Variants in WHAMM observed in about 807,000 individuals in gnomAD.
WHAMM encodes WASP homolog associated with actin, golgi membranes and microtubules.
A neutral mutation model predicts 76.5 loss-of-function variants in WHAMM; 67 were observed. The observed-to-expected ratio is 0.88, with a 90% CI of 0.72 to 1.07. WHAMM has a LOEUF of 1.07. Ranked by LOEUF, WHAMM falls within the 50% of genes least tolerant of loss-of-function variation. WHAMM has a pLI of 0.00. For missense variants in WHAMM, 1,021 were observed against 1,051.1 expected, an observed-to-expected ratio of 0.97 and a Z score of 0.40; for synonymous variants, 419 against 422.1, an observed-to-expected ratio of 0.99 and a Z score of 0.09.
intron 1 of WHAMM, 94 bp from the exon 2 acceptor site, chr15:82,813,009 G>C: frequency 1.0e-6 from 1 of 963,394 alleles, no homozygotes; most frequent in Non-Finnish European, 1.4e-6. Context: ...ATTAAAAGTT[G>C]AGAACATGAA....
rs1596279465 is a variant in WHAMM, at chr15:82,816,833, G to A, written c.925G>A (p.Ala309Thr). The A allele has an allele frequency of 1.3e-6, 2 of 1,555,888 alleles. No homozygotes were observed. The highest frequency in any genetic ancestry group is 2.4e-5 in the East Asian group (1 of 42,548). ...GAATTATTTTAAGGAGACAGTAAAA[G>A]CATTAGCAGGTGATAATTTAAAAAA... is the stretch of plus-strand genomic sequence containing the variant. The part of the protein sequence containing the change: ...TVNYFKETVK[A>T]LAGMQKEMEQ... Residue 309 changes from alanine to threonine, a missense_variant, in exon 3 of 10, where the codon GCA becomes ACA. Ala to Thr is a moderately conservative substitution (Grantham distance 58). This residue lies in a region of WHAMM where 501 missense variants were observed against 524.9 expected (regional missense o/e 0.95). Coordinates refer to ENST00000286760, the MANE Select transcript of WHAMM (RefSeq NM_001080435.3).
At chr15:82,818,417 C>T (rs760385847) in intron 4 of WHAMM, among the ~76,000 whole-genome samples, 3 of 152,152 alleles carry the variant, frequency 2.0e-5, no homozygotes, top group East Asian at 1.9e-4. Context: ...TTCCAGGCAT[C>T]GTTAAAGAGC....
intron 5 of WHAMM, among the ~76,000 whole-genome samples, chr15:82,820,267 ACTGT>A (rs2050796717): frequency 6.6e-6 from 1 of 152,180 alleles, no homozygotes; most frequent in Non-Finnish European, 1.5e-5. Flanking sequence ...TTAATACATA[ACTGT>A]CTTTCTATTT....
chr15:82,816,843 G>T lies in WHAMM; in HGVS notation c.934+1G>T. 1 of 1,551,072 alleles carries T rather than the reference G, an allele frequency of 6.4e-7. No homozygotes were observed. The highest frequency in any genetic ancestry group is 1.2e-5 in the South Asian group (1 of 82,318). ...AAGGAGACAGTAAAAGCATTAGCAG[G>T]TGATAATTTAAAAAATGCTATATGA... On this transcript the variant is annotated splice_donor_variant, in intron 3 of 9. Transcript: ENST00000286760. LOFTEE classifies it high-confidence loss of function.
chr15:82,830,626 A>T lies in WHAMM; in HGVS notation c.1669A>T (p.Thr557Ser). Residue 557 changes from threonine (T) to serine (S), a missense_variant, in exon 9 of 10, where the codon ACC becomes TCC. Around this residue, in one of 3 missense-constraint regions of WHAMM, gnomAD observed 509 missense variants for 492.3 expected, o/e 1.03. Transcript: ENST00000286760. Reference protein sequence around the residue: ...DKRLAQSVRNTSGSEPVAPNL... With the variant: ...DKRLAQSVRNSSGSEPVAPNL... ...ACGCCTAGCTCAATCTGTCCGAAAC[A>T]CCTCTGGCTCAGAACCTGTGGCTCC... The T allele has an allele frequency of 1.2e-6, 2 of 1,613,496 alleles. No homozygotes were observed. Among genetic ancestry groups the T allele is most frequent in the Non-Finnish European group, 8.5e-7 (1 of 1,179,722 alleles).
At chr15:82,816,875 A>G in intron 3 of WHAMM, 33 bp downstream of exon 3, 2 of 1,533,510 alleles carry the variant, frequency 1.3e-6, no homozygotes, top group Non-Finnish European at 1.8e-6. Context: ...ATGAAGATAC[A>G]TGTAATTGAT....
In WHAMM at chr15:82,833,641, T is replaced by TAACA; in HGVS notation, c.*106_*109dup. 7.9e-7 allele frequency: 1 copy of TAACA among 1,262,344 alleles called. No homozygotes were observed. Among genetic ancestry groups the TAACA allele is most frequent in the East Asian group, 2.5e-5 (1 of 39,584 alleles). 78.2% of individuals were successfully genotyped at this position (1,262,344 alleles called of 1,614,324 possible). A position where few individuals can be genotyped will look rare whatever the true frequency, so the allele number is the denominator to read the frequency against. On this transcript the variant is annotated 3_prime_UTR_variant, in exon 10 of 10. Coordinates refer to ENST00000286760, the MANE Select transcript of WHAMM (RefSeq NM_001080435.3). ...ACAGGGTGCTGATAGATGGGCCACA[T>TAACA]AACACCCCGGAAGATCAGCAGGGCC...
intron 6 of WHAMM, 134 bp from the exon 7 acceptor site, chr15:82,826,276 T>C (rs74813775): frequency 5.9e-6 from 5 of 843,526 alleles, no homozygotes; most frequent in Admixed American, 2.3e-5. Flanking sequence ...GACAGTACCA[T>C]TGGGCCGCTC....
Position 82,833,709 on chromosome 15 carries a change from A to AGAT in WHAMM, c.*175_*177dup, listed in dbSNP as rs971097515. 23 of 696,108 alleles carry AGAT rather than the reference A, an allele frequency of 3.3e-5. No individual in the cohort carries two copies. Among genetic ancestry groups the AGAT allele is most frequent in the African/African-American group, 1.3e-4 (7 of 53,844 alleles). The allele number at this position is 696,108 out of a possible 1,614,324, so 43.1% of individuals were successfully genotyped here. On this transcript the variant is annotated 3_prime_UTR_variant, in exon 10 of 10. Coordinates refer to ENST00000286760, the MANE Select transcript of WHAMM (RefSeq NM_001080435.3). ...GCATTTTTTTTTTTTTTCTTTTTTGAGATGGAGTCTCACTCTGTCGCCCAG... is the reference window on the plus strand; with the variant it reads ...GCATTTTTTTTTTTTTTCTTTTTTGAGATGATGGAGTCTCACTCTGTCGCCCAG...
rs747758907 is a variant in WHAMM, at chr15:82,834,066, ATCTC to A, written c.*534_*537del. On this transcript the variant is annotated 3_prime_UTR_variant, in exon 10 of 10. Coordinates refer to ENST00000286760, the MANE Select transcript of WHAMM (RefSeq NM_001080435.3). ...TTTTTTTTCTTTCTTTTGAGACAGA[ATCTC>A]TCTGTCATCCAGGCTAGAGTGCAGT... 4.2e-4 allele frequency: 62 copies of A among 146,762 alleles called. No individual in the cohort carries two copies. The highest frequency in any genetic ancestry group is 3.2e-3 in the South Asian group (15 of 4,656). The allele number at this position is 146,762 out of a possible 1,614,324, so 9.1% of individuals were successfully genotyped here.
intron 1 of WHAMM, among the ~76,000 whole-genome samples, chr15:82,811,956 A>T (rs1411108567): frequency 6.6e-6 from 1 of 152,128 alleles, no homozygotes; most frequent in African/African-American, 2.4e-5. Context: ...TTAAGAATGT[A>T]TTGGTTGAAA....
At chr15:82,831,690 G>T (rs1362519095) in intron 9 of WHAMM, among the ~76,000 whole-genome samples, 1 of 152,172 alleles carries the variant, frequency 6.6e-6, no homozygotes, top group African/African-American at 2.4e-5. Flanking sequence ...CTTTAATAGG[G>T]CTATAGTTCT....
intron 9 of WHAMM, 62 bp from the exon 10 acceptor site, chr15:82,833,167 G>A: frequency 6.6e-7 from 1 of 1,517,952 alleles, no homozygotes; most frequent in South Asian, 1.3e-5. Flanking sequence ...TTTCATAGCA[G>A]TAATGTCCTG....
At position 82,826,499 on chromosome 15, in the gene WHAMM, G is replaced by T. The variant is rs2050936733; in HGVS notation, c.1545+3G>T. The T allele has an allele frequency of 6.2e-7, 1 of 1,612,832 alleles. No individual in the cohort carries two copies. The highest frequency in any genetic ancestry group is 1.3e-5 in the African/African-American group (1 of 74,906). On this transcript the variant is annotated splice_donor_region_variant and intron_variant, in intron 7 of 9. Transcript: ENST00000286760. The stretch of plus-strand genomic sequence containing the variant: ...GTCAGCATCACAGTATTCAGATGGT[G>T]AGTCTCCTCCGAAGGAAAATGTTCT...
At chr15:82,833,115 A>G (rs935943492) in intron 9 of WHAMM, 114 bp from the exon 10 acceptor site, 9 of 1,210,808 alleles carry the variant, frequency 7.4e-6, no homozygotes, top group Non-Finnish European at 9.1e-6. Context: ...TGAAGTGATT[A>G]TTTGTTTAAA....
intron 2 of WHAMM, among the ~76,000 whole-genome samples, chr15:82,815,707 C>G (rs62011704): frequency 1.6e-4 from 24 of 152,160 alleles, no homozygotes; most frequent in Non-Finnish European, 3.2e-4. Flanking sequence ...CCGGTTTGTC[C>G]ACATTATCAC....
chr15:82,819,114 TG>T (rs1330319113), intron 4 of WHAMM, among the ~76,000 whole-genome samples: 1 of 152,242 alleles, frequency 6.6e-6, no homozygotes, highest in Non-Finnish European at 1.5e-5. Flanking sequence ...TTGCCATTTA[TG>T]TTTCTCAGAA....
In WHAMM at chr15:82,831,184, C is replaced by T. The variant is rs567532867; in HGVS notation, c.2122+105C>T. On this transcript the variant is annotated intron_variant, in intron 9 of 9. Transcript: ENST00000286760. The stretch of plus-strand genomic sequence containing the variant: ...TCAAATGGAAATCATTTTTATAATT[C>T]TCTATAGCCTTAAAATATTCCAGTA... The T allele has an allele frequency of 3.5e-4, 528 of 1,500,566 alleles. 1 individual carries two copies. Among genetic ancestry groups the T allele is most frequent in the Middle Eastern group, 5.9e-4 (3 of 5,070 alleles). 93.0% of individuals were successfully genotyped at this position (1,500,566 alleles called of 1,614,324 possible).
intron 8 of WHAMM, 119 bp from the exon 9 acceptor site, chr15:82,830,480 C>A (rs755426557): frequency 2.1e-6 from 3 of 1,451,812 alleles, no homozygotes; most frequent in Non-Finnish European, 2.8e-6. Context: ...CAAGGAGTCA[C>A]TTTGTGAATT....
Sources: gnomAD v4.1 joint callset for allele counts (sites outside exome capture counted in the v4.1 genomes callset) on GRCh38, gnomAD v4.1.1 for gene constraint, gnomAD v4.1.1 regional missense constraint, MANE v1.5 for transcripts, NCBI Gene and HGNC (gene_info 2026-07-23, HGNC 2026-07-21) for gene names.